Variants in ZNF813 observed in about 807,000 individuals in gnomAD.
ZNF813 encodes the protein zinc finger protein 813.
In ZNF813, 3 loss-of-function variants were observed where a neutral mutation model predicts 7.2. The observed-to-expected ratio is 0.42, with a 90% CI of 0.19 to 1.08. The LOEUF is 1.08. Ranked by LOEUF, ZNF813 falls within the 50% of genes least tolerant of loss-of-function variation. The pLI is 0.30. For missense variants in ZNF813, 714 were observed against 753.3 expected (o/e 0.95, Z 0.61); for synonymous variants, 227 against 256.3 (o/e 0.89, Z 1.09).
At chr19:53,487,403 A>C (rs2086439398) in intron 3 of ZNF813, among the ~76,000 whole-genome samples, 1 of 151,598 alleles carries the variant, frequency 6.6e-6, no homozygotes, top group South Asian at 2.1e-4. Flanking sequence ...CTTCTTATTT[A>C]CTTTTTTTGT....
intron 1 of ZNF813, among the ~76,000 whole-genome samples, chr19:53,470,339 C>A (rs918731880): frequency 1.2e-4 from 18 of 151,744 alleles, no homozygotes; most frequent in Non-Finnish European, 2.5e-4. Flanking sequence ...TTGCCTGTTA[C>A]TTTTCTTGGA....
intron 1 of ZNF813, among the ~76,000 whole-genome samples, chr19:53,482,729 T>TTTG (rs1600111884): frequency 1.4e-5 from 2 of 138,132 alleles, no homozygotes; most frequent in East Asian, 4.2e-4. Flanking sequence ...TTTTTTTTTT[T>TTTG]TTTTTTTTTT....
At chr19:53,470,987 G>T (rs79243317) in intron 1 of ZNF813, among the ~76,000 whole-genome samples, 2 of 152,074 alleles carry the variant, frequency 1.3e-5, no homozygotes, top group East Asian at 3.9e-4. Context: ...ATTGGGGTGC[G>T]GTACCTTTAT....
chr19:53,470,134 T>G (rs2086350204), intron 1 of ZNF813, among the ~76,000 whole-genome samples: 1 of 149,704 alleles, frequency 6.7e-6, no homozygotes, highest in African/African-American at 2.5e-5. Flanking sequence ...CTAAATACAT[T>G]TGTTTTCTTT....
At chr19:53,470,787 ATTAG>A (rs1196110788) in intron 1 of ZNF813, among the ~76,000 whole-genome samples, 1 of 151,536 alleles carries the variant, frequency 6.6e-6, no homozygotes, top group Admixed American at 6.6e-5. Flanking sequence ...CTAGGCAGCA[ATTAG>A]TTAGATTAAA....
At position 53,482,906 on chromosome 19, in the gene ZNF813, T is replaced by TTTTTA. The variant is rs151119941; in HGVS notation, c.-73-819_-73-815dup. Among the ~76,000 whole-genome samples, 194 of 150,666 alleles carry TTTTTA rather than the reference T, an allele frequency of 1.3e-3. 1 individual carries two copies. In the South Asian group the frequency reaches 0.017, roughly 13 times the overall value. Reference sequence around the variant, plus strand: ...CACCCAGCTAATTATTGTATTTTTATTTTTATTTTATTTTATTTTATTTTA... The same window carrying TTTTTA: ...CACCCAGCTAATTATTGTATTTTTATTTTTATTTTATTTTATTTTATTTTATTTTA... On this transcript the variant is annotated intron_variant, in intron 1 of 3. Coordinates refer to ENST00000396403, the MANE Select transcript of ZNF813 (RefSeq NM_001004301.4).
At position 53,490,602 on chromosome 19, in the gene ZNF813, G is replaced by T; in HGVS notation, c.370G>T (p.Asp124Tyr). ...TEIKKLTGSA[D>Y]RYDQRHAGNK... is the part of the protein sequence containing the mutation. ...AATCAAAAAGTTGACTGGTAGTGCA[G>T]ACCGATATGATCAAAGGCATGCTGG... Residue 124 changes from aspartate to tyrosine, a missense_variant, in exon 4 of 4, where the codon GAC becomes TAC. Transcript: ENST00000396403. 6.2e-7 allele frequency: 1 copy of T among 1,614,194 alleles called. No homozygotes were observed. The highest frequency in any genetic ancestry group is 1.3e-5 in the African/African-American group (1 of 75,060).
At chr19:53,486,415 C>T (rs8112292) in intron 2 of ZNF813, among the ~76,000 whole-genome samples, 65,903 of 149,940 alleles carry the variant, frequency 0.44, 14,660 homozygotes, top group Admixed American at 0.49. Context: ...CCATTGCACT[C>T]CAGCCTGGGC....
chr19:53,492,730 T>A lies in ZNF813; in HGVS notation c.*644T>A. The A allele has an allele frequency of 1.5e-6, 1 of 656,016 alleles. No individual in the cohort carries two copies. Among genetic ancestry groups the A allele is most frequent in the Non-Finnish European group, 2.6e-6 (1 of 377,480 alleles). The allele number at this position is 656,016 out of a possible 1,614,324, so 40.6% of individuals were successfully genotyped here. ...TCATACAAGTGTAATAATCGGCAAA[T>A]TTTTCAGACATCGTCCATACCTTGC... On this transcript the variant is annotated 3_prime_UTR_variant, in exon 4 of 4. Transcript: ENST00000396403.
In ZNF813 at chr19:53,491,228, T is replaced by C; in HGVS notation, c.996T>C (p.Cys332=). 1 of 1,613,952 alleles carries C rather than the reference T, an allele frequency of 6.2e-7. No individual in the cohort carries two copies. Among genetic ancestry groups the C allele is most frequent in the African/African-American group, 1.3e-5 (1 of 75,070 alleles). Residue 332 remains cysteine (C), a synonymous_variant, in exon 4 of 4, where the codon TGT becomes TGC. Transcript: ENST00000396403. ...AGEKPYKCNE[C]GKTFSQTSSL... ...AAAAACCATACAAGTGTAATGAATG[T>C]GGCAAGACCTTTAGTCAGACGTCAT...
chr19:53,479,636 G>A (rs2086397979), intron 1 of ZNF813: 2 of 1,224,938 alleles, frequency 1.6e-6, no homozygotes, highest in Admixed American at 3.5e-5. Flanking sequence ...ATTGAAATCT[G>A]GGCCTTAAAA....
Position 53,491,932 on chromosome 19 carries a change from C to T in ZNF813, c.1700C>T (p.Ala567Val), listed in dbSNP as rs1273774786. Residue 567 changes from alanine (A) to valine (V), a missense_variant, in exon 4 of 4, where the codon GCA becomes GTA. Transcript: ENST00000396403. ...GTTTTTAATCAAAAAGCACACCTTGCACGTCACCATAGACTTCATACTGGA... is the reference window on the plus strand; with the variant it reads ...GTTTTTAATCAAAAAGCACACCTTGTACGTCACCATAGACTTCATACTGGA... ...GKVFNQKAHL[A>V]RHHRLHTGEK... The T allele has an allele frequency of 6.2e-7, 1 of 1,610,804 alleles. No individual in the cohort carries two copies. Among genetic ancestry groups the T allele is most frequent in the South Asian group, 1.1e-5 (1 of 90,480 alleles).
chr19:53,477,012 C>T (rs1015511781), intron 1 of ZNF813, among the ~76,000 whole-genome samples: 30 of 152,262 alleles, frequency 2.0e-4, no homozygotes, highest in African/African-American at 6.0e-4. Flanking sequence ...TGAACTGTGA[C>T]GCTTCATTGT....
chr19:53,479,457 A>T, intron 1 of ZNF813: 1 of 1,528,148 alleles, frequency 6.5e-7, no homozygotes, highest in South Asian at 1.1e-5. Flanking sequence ...AAGCTGAGAG[A>T]GAAAGGTGGG....
chr19:53,494,555 A>G lies in ZNF813; in HGVS notation c.*2469A>G, dbSNP rs2086478213. 6.6e-6 allele frequency: 1 copy of G among 151,418 alleles called. No homozygotes were observed. The highest frequency in any genetic ancestry group is 2.4e-5 in the African/African-American group (1 of 41,208). 9.4% of individuals were successfully genotyped at this position (151,418 alleles called of 1,614,324 possible). On this transcript the variant is annotated 3_prime_UTR_variant, in exon 4 of 4. Coordinates refer to ENST00000396403, the MANE Select transcript of ZNF813 (RefSeq NM_001004301.4). The stretch of plus-strand genomic sequence containing the variant: ...ATACTCTGGAGGCTGAGGCAGGAGA[A>G]TGGCTTGAACCCGGGAGGCAGAGAT...
chr19:53,490,925 G>T lies in ZNF813; in HGVS notation c.693G>T (p.Arg231Ser), dbSNP rs774579189. The T allele has an allele frequency of 2.5e-6, 4 of 1,613,982 alleles. No individual in the cohort carries two copies. The highest frequency in any genetic ancestry group is 2.2e-5 in the South Asian group (2 of 91,082). Residue 231 changes from arginine to serine, a missense_variant, in exon 4 of 4, where the codon AGG becomes AGT. Physicochemically the swap from Arg to Ser is moderately radical, Grantham distance 110 (BLOSUM62 -1). Coordinates refer to ENST00000396403, the MANE Select transcript of ZNF813 (RefSeq NM_001004301.4). ...GKAFNYSSLL[R>S]KHQIIHLGEK... is the part of the protein sequence containing the mutation. ...CCTTTAATTATAGCTCACTCTTAAG[G>T]AAACATCAAATAATCCATTTAGGAG...
intron 2 of ZNF813, 129 bp from the exon 3 acceptor site, chr19:53,486,503 C>G (rs903742361): frequency 4.5e-6 from 7 of 1,566,232 alleles, no homozygotes; most frequent in Non-Finnish European, 6.1e-6. Context: ...GGTGAAGAAC[C>G]CCTTACTCGG....
intron 1 of ZNF813, among the ~76,000 whole-genome samples, chr19:53,472,437 G>A (rs576704636): frequency 6.6e-5 from 10 of 151,962 alleles, no homozygotes; most frequent in African/African-American, 2.4e-4. Context: ...CAGAGAAATA[G>A]GCCATCGGTA....
At chr19:53,472,984 C>G (rs150822637) in intron 1 of ZNF813, among the ~76,000 whole-genome samples, 1 of 151,992 alleles carries the variant, frequency 6.6e-6, no homozygotes, top group Non-Finnish European at 1.5e-5. Flanking sequence ...TCTTAGTTAT[C>G]CTGTTCCCTG....
Sources: allele counts gnomAD v4.1 joint callset (sites outside exome capture counted in the v4.1 genomes callset), GRCh38; gene constraint gnomAD v4.1.1; transcripts MANE v1.5; gene names NCBI Gene and HGNC (gene_info 2026-07-23, HGNC 2026-07-21).